Variants in CACNB1 observed in about 807,000 individuals in gnomAD.
The protein encoded by CACNB1 is voltage-dependent L-type calcium channel subunit beta-1.
A neutral mutation model predicts 71.6 loss-of-function variants in CACNB1; 29 were observed. The observed-to-expected ratio is 0.40, with a 90% CI of 0.30 to 0.55. CACNB1 has a LOEUF of 0.55. Among genes scored for constraint, CACNB1 ranks in the 20% least tolerant of loss-of-function variants. The pLI, the probability that CACNB1 is intolerant of heterozygous loss-of-function variation, is 0.38. For missense variants in CACNB1, 623 were observed against 801.8 expected, an observed-to-expected ratio of 0.78 and a Z score of 2.69; for synonymous variants, 300 against 319.6, an observed-to-expected ratio of 0.94 and a Z score of 0.65.
chr17:39,180,179 T>C (rs2045715170), intron 11 of CACNB1, among the ~76,000 whole-genome samples: 1 of 151,454 alleles, frequency 6.6e-6, no homozygotes, highest in South Asian at 2.1e-4. Context: ...GCAGAACTGC[T>C]TGAACTAGGG....
chr17:39,191,177 C>G (rs1022517020), intron 3 of CACNB1, among the ~76,000 whole-genome samples: 3 of 152,108 alleles, frequency 2.0e-5, no homozygotes, highest in African/African-American at 7.2e-5. Context: ...GCACTCCAGC[C>G]TGGGTGACAG....
intron 8 of CACNB1, 39 bp downstream of exon 8, chr17:39,184,744 TA>T: frequency 2.2e-6 from 3 of 1,360,586 alleles, no homozygotes; most frequent in Non-Finnish European, 2.1e-6. Context: ...AAGATCTTTC[TA>T]AGGCCCCTCT....
chr17:39,194,893 A>G lies in CACNB1; in HGVS notation c.162T>C (p.Phe54=). ...CCAGCCTCCCCATTACCTGGCGGAC[A>G]AAGCTGTTGGATGTGGTATCCGAGG... ...STSSDTTSNS[F]VRQGSAESYT... is the part of the protein sequence containing the mutation. Residue 54 remains phenylalanine, a synonymous_variant, in exon 2 of 14, where the codon TTT becomes TTC. Coordinates refer to ENST00000394303, the MANE Select transcript of CACNB1 (RefSeq NM_000723.5). The surrounding 1 kb of genome is among the most constrained non-coding windows in gnomAD (Gnocchi z 4.6). 1 of 1,610,914 alleles carries G rather than the reference A, an allele frequency of 6.2e-7. No homozygotes were observed. Among genetic ancestry groups the G allele is most frequent in the South Asian group, 1.1e-5 (1 of 90,868 alleles).
rs779766160 is a variant in CACNB1, at chr17:39,183,879, T to C, written c.899-15A>G. ...CTGCACCTCAGCTGGGGGCATGGAG[T>C]CATGTGGATGGGGGAATGTCAGGTG... On this transcript the variant is annotated splice_polypyrimidine_tract_variant and intron_variant, in intron 10 of 13. Transcript: ENST00000394303. 2 of 1,608,722 alleles carry C rather than the reference T, an allele frequency of 1.2e-6. No individual in the cohort carries two copies. Among genetic ancestry groups the C allele is most frequent in the South Asian group, 2.2e-5 (2 of 90,746 alleles).
Position 39,184,361 on chromosome 17 carries a change from G to A in CACNB1, c.752C>T (p.Ala251Val). 1.3e-6 allele frequency: 2 copies of A among 1,504,120 alleles called. No homozygotes were observed. Among genetic ancestry groups the A allele is most frequent in the Non-Finnish European group, 1.8e-6 (2 of 1,112,218 alleles). 93.2% of individuals were successfully genotyped at this position (1,504,120 alleles called of 1,614,324 possible). A position where few individuals can be genotyped will look rare whatever the true frequency, so the allele number is the denominator to read the frequency against. Residue 251 changes from alanine (A) to valine (V), a missense_variant, in exon 9 of 14, where the codon GCT becomes GTT. Coordinates refer to ENST00000394303, the MANE Select transcript of CACNB1 (RefSeq NM_000723.5). ...GYEVTDMMQK[A>V]LFDFLKHRFD... ...CCGATGCTTCAAGAAGTCAAATAAA[G>A]CTTTCTGCATCATGTCTGTAACCTG...
chr17:39,180,014 A>T (rs11650475), intron 11 of CACNB1, among the ~76,000 whole-genome samples: 2 of 151,328 alleles, frequency 1.3e-5, no homozygotes, highest in African/African-American at 4.9e-5. Flanking sequence ...TGTAATCCCT[A>T]CACTTTGGGA....
At position 39,174,331 on chromosome 17, in the gene CACNB1, AAGG is replaced by A. The variant is rs1344721299; in HGVS notation, c.*859_*861del. 1 of 152,374 alleles carries A rather than the reference AAGG, an allele frequency of 6.6e-6. No individual in the cohort carries two copies. The highest frequency in any genetic ancestry group is 1.5e-5 in the Non-Finnish European group (1 of 68,030). The allele number at this position is 152,374 out of a possible 1,614,324, so 9.4% of individuals were successfully genotyped here. On this transcript the variant is annotated 3_prime_UTR_variant, in exon 14 of 14. Coordinates refer to ENST00000394303, the MANE Select transcript of CACNB1 (RefSeq NM_000723.5). ...CCCCTGGGGCCTCAGGGTGAGGGTGAAGGAGCAGTTTTTTGGTTTAAAATGAGG... is the reference window on the plus strand; with the variant it reads ...CCCCTGGGGCCTCAGGGTGAGGGTGAAGCAGTTTTTTGGTTTAAAATGAGG...
chr17:39,196,695 G>A (rs1246652646), intron 1 of CACNB1, among the ~76,000 whole-genome samples: 2 of 151,462 alleles, frequency 1.3e-5, no homozygotes, highest in African/African-American at 2.4e-5. Flanking sequence ...TGGGGATGGA[G>A]AAGTAGACCC....
At chr17:39,178,168 T>G in intron 11 of CACNB1, 89 bp from the exon 12 acceptor site, 1 of 938,060 alleles carries the variant, frequency 1.1e-6, no homozygotes, top group Non-Finnish European at 1.8e-6. Context: ...TGGATCAGCA[T>G]GGAGAGCCAG....
chr17:39,192,884 G>A (rs1291967980), intron 2 of CACNB1: 3 of 152,442 alleles, frequency 2.0e-5, no homozygotes, highest in Non-Finnish European at 4.4e-5. Context: ...GTGGAGCGGG[G>A]GTCACTAACA....
intron 3 of CACNB1, among the ~76,000 whole-genome samples, chr17:39,190,311 C>T (rs1419804872): frequency 6.6e-6 from 1 of 152,120 alleles, no homozygotes; most frequent in African/African-American, 2.4e-5. Flanking sequence ...GTTCCAGGTA[C>T]TCGGGAGGCT....
chr17:39,195,235 A>G (rs2046179058), intron 1 of CACNB1: 2 of 374,430 alleles, frequency 5.3e-6, no homozygotes, highest in Non-Finnish European at 9.6e-6. Context: ...AAACCAAGCC[A>G]GAGAGGCTGG....
intron 3 of CACNB1, among the ~76,000 whole-genome samples, 199 bp downstream of exon 3, chr17:39,191,275 C>CACTTATCAT (rs1555585356): frequency 6.6e-6 from 1 of 151,504 alleles, no homozygotes; most frequent in Non-Finnish European, 1.5e-5. Flanking sequence ...TAATAACACG[C>CACTTATCAT]ACTTATTATA....
intron 2 of CACNB1, chr17:39,193,223 C>G: frequency 6.8e-6 from 2 of 294,032 alleles, no homozygotes; most frequent in South Asian, 2.6e-5. Context: ...CAGACACACA[C>G]ACATATGCAG....
Position 39,175,124 on chromosome 17 carries a change from T to G in CACNB1, c.*69A>C. The G allele has an allele frequency of 8.0e-7, 1 of 1,254,906 alleles. No individual in the cohort carries two copies. The highest frequency in any genetic ancestry group is 1.4e-5 in the South Asian group (1 of 72,504). 77.7% of individuals were successfully genotyped at this position (1,254,906 alleles called of 1,614,324 possible). ...CCCCTGGAGGCGAATACATGTCAGG[T>G]GTGAGCCCCTCGCTCCCTCCCCTCC... is the stretch of plus-strand genomic sequence containing the variant. On this transcript the variant is annotated 3_prime_UTR_variant, in exon 14 of 14. Transcript: ENST00000394303. This position sits in a 1 kb window ranked among gnomAD's most constrained non-coding sequence, Gnocchi z 4.7.
intron 11 of CACNB1, among the ~76,000 whole-genome samples, chr17:39,179,160 G>T (rs1041345090): frequency 1.3e-5 from 2 of 151,450 alleles, no homozygotes; most frequent in African/African-American, 4.9e-5. Context: ...GGATGTGGTG[G>T]TAGGCGCCTG....
At position 39,179,280 on chromosome 17, in the gene CACNB1, CAAAA is replaced by C. The variant is rs35292368; in HGVS notation, c.1051-1205_1051-1202del. On this transcript the variant is annotated intron_variant, in intron 11 of 13. Transcript: ENST00000394303. ...TGGACAACAGAGCAAGACTCCGTCT[CAAAA>C]AAAAAAAAAAAAAAAAAAAGAGGGC... 3.9e-4 allele frequency among the ~76,000 whole-genome samples: 19 copies of C among 48,646 alleles called. No individual in the cohort carries two copies. In the East Asian group the frequency reaches 7.3e-3, roughly 19 times the overall value. The allele number at this position is 48,646 out of a possible 152,430, so 31.9% of individuals were successfully genotyped here.
At chr17:39,184,584 G>A (rs989044516) in intron 8 of CACNB1, among the ~76,000 whole-genome samples, 200 bp downstream of exon 8, 1 of 152,114 alleles carries the variant, frequency 6.6e-6, no homozygotes, top group Non-Finnish European at 1.5e-5. Context: ...CTCTGGGAGG[G>A]CTCTTCTGAG....
chr17:39,186,611 G>A lies in CACNB1; in HGVS notation c.552-39C>T. On this transcript the variant is annotated intron_variant, in intron 5 of 13. Coordinates refer to ENST00000394303, the MANE Select transcript of CACNB1 (RefSeq NM_000723.5). This position sits in a 1 kb window ranked among gnomAD's most constrained non-coding sequence, Gnocchi z 4.1. Reference sequence around the variant, plus strand: ...GGCAAACCGAGCTTGTGAGCAAAGAGGTGGGCGTGGGGGGCTCTCATCCTC... The same window carrying A: ...GGCAAACCGAGCTTGTGAGCAAAGAAGTGGGCGTGGGGGGCTCTCATCCTC... 6.3e-7 allele frequency: 1 copy of A among 1,576,394 alleles called. No homozygotes were observed. Among genetic ancestry groups the A allele is most frequent in the South Asian group, 1.1e-5 (1 of 89,220 alleles).
Sources: allele counts gnomAD v4.1 joint callset (sites outside exome capture counted in the v4.1 genomes callset), GRCh38; gene constraint gnomAD v4.1.1; non-coding constraint Gnocchi (gnomAD v3.1); transcripts MANE v1.5; gene names NCBI Gene and HGNC (gene_info 2026-07-23, HGNC 2026-07-21).